Variants in RRM2 observed in about 807,000 individuals in gnomAD.
RRM2 encodes the protein ribonucleotide reductase regulatory subunit M2, also known as ribonucleoside-diphosphate reductase subunit M2.
Under a neutral mutation model 45.9 loss-of-function variants are expected in RRM2, and 6 were observed. The observed-to-expected ratio is 0.13, with a 90% CI of 0.07 to 0.26. The LOEUF (loss-of-function observed/expected upper bound fraction) is 0.26. RRM2 is among the 10% of genes least tolerant of loss of function. The probability of loss-of-function intolerance (pLI) is 1.00; values close to 1 mark genes in which losing one functional copy is unlikely to be tolerated. For synonymous variants in RRM2, 177 were observed against 173.0 expected (o/e 1.02, Z -0.18); for missense variants, 343 against 489.5 (o/e 0.70, Z 2.82).
rs1430002703 is a variant in RRM2 at position 10,123,477 on chromosome 2, G to A, written c.265G>A (p.Asp89Asn). 6.2e-7 allele frequency: 1 copy of A among 1,614,202 alleles called. No homozygotes were observed. The highest frequency in any genetic ancestry group is 8.5e-7 in the Non-Finnish European group (1 of 1,180,040). ...TGTCATCTTCCCCATCGAGTACCAT[G>A]ATATCTGGCAGATGTATAAGAAGGC... Reference protein sequence around the residue: ...RFVIFPIEYHDIWQMYKKAEA... With the variant: ...RFVIFPIEYHNIWQMYKKAEA... Residue 89 changes from aspartate (D) to asparagine (N), a missense_variant, in exon 3 of 10, where the codon GAT becomes AAT. Transcript: ENST00000304567.
At chr2:10,202,072 G>T (rs1664579125) in intron 3 of RRM2, among the ~76,000 whole-genome samples, 1 of 152,144 alleles carries the variant, frequency 6.6e-6, no homozygotes, top group Non-Finnish European at 1.5e-5. Context: ...GAAACCCACT[G>T]TGCTTTTATT....
At chr2:10,206,300 G>C (rs1205659667) in intron 3 of RRM2, among the ~76,000 whole-genome samples, 1 of 150,622 alleles carries the variant, frequency 6.6e-6, no homozygotes, top group Non-Finnish European at 1.5e-5. Flanking sequence ...AGAAATTTCA[G>C]TTCTGGGTAT....
upstream of RRM2, among the ~76,000 whole-genome samples, chr2:10,136,998 T>G (rs953597366): frequency 2.0e-5 from 3 of 152,212 alleles, no homozygotes; most frequent in Non-Finnish European, 2.9e-5. Flanking sequence ...CATATTCATT[T>G]TCTGAGTCCA....
chr2:10,184,660 A>C (rs955657706), intron 3 of RRM2, among the ~76,000 whole-genome samples: 1 of 152,186 alleles, frequency 6.6e-6, no homozygotes, highest in Non-Finnish European at 1.5e-5. Context: ...TCATGGCTCC[A>C]TGCACAGCTG....
At chr2:10,178,116 C>T (rs573937921) in intron 3 of RRM2, among the ~76,000 whole-genome samples, 10 of 151,454 alleles carry the variant, frequency 6.6e-5, no homozygotes, top group Admixed American at 4.6e-4. Context: ...GTAGTAGAGA[C>T]GGGGTTTCAC....
At chr2:10,140,803 C>T (rs373679532), upstream of RRM2, among the ~76,000 whole-genome samples, 14 of 152,194 alleles carry the variant, frequency 9.2e-5, 1 homozygote, top group Admixed American at 5.9e-4. Context: ...GTTTTTCTTT[C>T]TATTCTATTT....
chr2:10,197,425 A>G (rs1664438954), intron 3 of RRM2, among the ~76,000 whole-genome samples: 1 of 152,074 alleles, frequency 6.6e-6, no homozygotes, highest in East Asian at 1.9e-4. Flanking sequence ...GGGCTGCTCA[A>G]ACTGCCCTGG....
intron 3 of RRM2, among the ~76,000 whole-genome samples, chr2:10,187,368 G>A (rs1160240408): frequency 1.3e-5 from 2 of 152,240 alleles, no homozygotes; most frequent in Non-Finnish European, 2.9e-5. Context: ...AGGGGGCGTG[G>A]GAGCTGCATC....
intron 5 of RRM2, chr2:10,126,604 G>C: frequency 2.2e-6 from 1 of 449,244 alleles, no homozygotes; most frequent in South Asian, 4.1e-5. Flanking sequence ...ACTGGACTAT[G>C]TTTTACTGTC....
intron 5 of RRM2, chr2:10,126,524 C>T (rs1662783357): frequency 4.6e-6 from 1 of 217,442 alleles, no homozygotes; most frequent in South Asian, 1.5e-4. Context: ...AATTTAAATT[C>T]TATGATTCTT....
At chr2:10,142,451 C>T in intron 3 of RRM2, 10 of 1,330,140 alleles carry the variant, frequency 7.5e-6, no homozygotes, top group Non-Finnish European at 1.0e-5. Context: ...CTGTCATCTG[C>T]TGTTTCCTAG....
intron 3 of RRM2, among the ~76,000 whole-genome samples, chr2:10,173,213 A>G (rs1008288602): frequency 6.6e-6 from 1 of 152,134 alleles, no homozygotes; most frequent in Non-Finnish European, 1.5e-5. Flanking sequence ...CTTGGCCGGC[A>G]TGGGTTCCAT....
At chr2:10,177,673 TCCTTCCTTC>T (rs1663946553) in intron 3 of RRM2, among the ~76,000 whole-genome samples, 1 of 86,562 alleles carries the variant, frequency 1.2e-5, no homozygotes, top group South Asian at 5.7e-4. Context: ...TTTCCTTCCT[TCCTTCCTTC>T]CTTCCTTCCT....
At chr2:10,162,756 G>A (rs574435135) in intron 3 of RRM2, among the ~76,000 whole-genome samples, 8 of 152,076 alleles carry the variant, frequency 5.3e-5, no homozygotes, top group South Asian at 2.1e-4. Flanking sequence ...CGGGCAGGGC[G>A]TTTGCCCTCT....
At chr2:10,163,981 C>T (rs1025773402) in intron 3 of RRM2, among the ~76,000 whole-genome samples, 2 of 151,824 alleles carry the variant, frequency 1.3e-5, no homozygotes, top group Admixed American at 6.6e-5. Flanking sequence ...TCATTTCCCT[C>T]GAGCTAAAGC....
At chr2:10,166,274 T>G (rs1198216570) in intron 3 of RRM2, among the ~76,000 whole-genome samples, 1 of 151,894 alleles carries the variant, frequency 6.6e-6, no homozygotes, top group Non-Finnish European at 1.5e-5. Flanking sequence ...TGCGGGAGAG[T>G]GAAGTCCAGA....
chr2:10,179,494 G>T (rs1196363330), intron 3 of RRM2, among the ~76,000 whole-genome samples: 1 of 152,184 alleles, frequency 6.6e-6, no homozygotes, highest in Non-Finnish European at 1.5e-5. Flanking sequence ...ACCAGTATTT[G>T]CCTGCTTTAG....
chr2:10,142,362 G>A (rs1236283871), exon 3 of RRM2: 1 of 1,373,266 alleles, frequency 7.3e-7, no homozygotes, highest in African/African-American at 1.5e-5. Context: ...GCGGGAGGCA[G>A]TTGCAGCTTT....
At chr2:10,142,312 C>T in exon 3 of RRM2, 2 of 1,396,394 alleles carry the variant, frequency 1.4e-6, no homozygotes, top group Non-Finnish European at 1.9e-6. Flanking sequence ...GAATCCCCTG[C>T]TTCTGCGTGT....
Sources: gnomAD v4.1 joint callset for allele counts (sites outside exome capture counted in the v4.1 genomes callset) on GRCh38, gnomAD v4.1.1 for gene constraint, MANE v1.5 for transcripts, NCBI Gene and HGNC (gene_info 2026-07-23, HGNC 2026-07-21) for gene names.